PLCD1: variants seen among roughly 807,000 people sequenced by gnomAD.
PLCD1 encodes the protein phospholipase C delta 1.
Under a neutral mutation model 87.4 loss-of-function variants are expected in PLCD1, and 71 were observed. The observed-to-expected ratio is 0.81, with a 90% CI of 0.67 to 0.99. The LOEUF is 0.99. PLCD1 is among the 50% of genes least tolerant of loss of function. PLCD1 has a pLI of 0.00. For synonymous variants in PLCD1, 348 were observed against 399.2 expected (o/e 0.87, Z 1.53); for missense variants, 867 against 1,001.5 (o/e 0.87, Z 1.81).
In PLCD1 at chr3:38,007,677, T is replaced by C. The variant is rs754631776; in HGVS notation, c.*96A>G. ...TGAAGGCAATTTGGGGGCCTAGCTCTGAGCAAGAGGCTGGGAGCAGCCACA... is the reference window on the plus strand; with the variant it reads ...TGAAGGCAATTTGGGGGCCTAGCTCCGAGCAAGAGGCTGGGAGCAGCCACA... On this transcript the variant is annotated 3_prime_UTR_variant, in exon 15 of 15. Transcript: ENST00000334661. The C allele has an allele frequency of 4.2e-6, 4 of 956,884 alleles. No individual in the cohort carries two copies. 59.3% of individuals were successfully genotyped at this position (956,884 alleles called of 1,614,324 possible). A position where few individuals can be genotyped will look rare whatever the true frequency, so the allele number is the denominator to read the frequency against.
At chr3:38,020,502 A>C in intron 1 of PLCD1, 150 bp from the exon 2 acceptor site, 1 of 766,004 alleles carries the variant, frequency 1.3e-6, no homozygotes, top group Non-Finnish European at 2.3e-6. Context: ...TCCTCCACCC[A>C]TGCTCCAACC....
At position 38,025,255 on chromosome 3, in the gene PLCD1, A is replaced by G. The variant is rs1700296529; in HGVS notation, c.34+4251T>C. ...TGCGGGGGCGGAGCCAGGGTCCGGG[A>G]GGCAGTGTGGGCGGGGTCTGACCAA... On this transcript the variant is annotated intron_variant, in intron 1 of 14. Transcript: ENST00000334661. This position sits in a 1 kb window ranked among gnomAD's most constrained non-coding sequence, Gnocchi z 4.0. Among the ~76,000 whole-genome samples, 1 of 152,160 alleles carries G rather than the reference A, an allele frequency of 6.6e-6. No homozygotes were observed. The highest frequency in any genetic ancestry group is 1.5e-5 in the Non-Finnish European group (1 of 68,006).
intron 1 of PLCD1, chr3:38,024,346 G>A: frequency 1.2e-6 from 2 of 1,612,730 alleles, no homozygotes; most frequent in Non-Finnish European, 1.7e-6. Context: ...CCCAGCCTCC[G>A]TCCATTGAGC....
Position 38,011,410 on chromosome 3 carries a change from G to A in PLCD1, c.594C>T (p.Asp198=), listed in dbSNP as rs746992990. The A allele has an allele frequency of 1.1e-5, 18 of 1,613,882 alleles. No individual in the cohort carries two copies. Among genetic ancestry groups the A allele is most frequent in the East Asian group, 2.2e-5 (1 of 44,896 alleles). ...CDHSQTDSLE[D]EEIEAFYKML... ...TCTTGTAGAAGGCCTCAATCTCCTC[G>A]TCCTCCAGGGAGTCTGTCTGGGAGT... The change falls in exon 5 of 15, where the codon GAC becomes GAT. Residue 198 remains aspartate, a synonymous_variant. Coordinates refer to ENST00000334661, the MANE Select transcript of PLCD1 (RefSeq NM_006225.4).
intron 3 of PLCD1, among the ~76,000 whole-genome samples, chr3:38,015,020 T>A (rs1460357198): frequency 6.6e-6 from 1 of 152,256 alleles, no homozygotes; most frequent in East Asian, 1.9e-4. Context: ...TGTAAATTGA[T>A]GCAGCCTGTT....
In PLCD1 at chr3:38,009,100, C is replaced by T; in HGVS notation, c.1665G>A (p.Trp555Ter). The T allele has an allele frequency of 3.1e-6, 5 of 1,614,052 alleles. No homozygotes were observed. The highest frequency in any genetic ancestry group is 4.2e-6 in the Non-Finnish European group (5 of 1,180,002). ...GHLSRIYPAG[W>*]RTDSSNYSPV... ...GGCTGTAGTTGGAGGAGTCTGTTCT[C>T]CATCCAGCCGGGTAGATTCTGCTCA... The change falls in exon 11 of 15, where the codon TGG becomes TGA. Residue 555 changes from tryptophan to a stop codon, truncating the protein, a stop_gained. Transcript: ENST00000334661. LOFTEE classifies it high-confidence loss of function.
intron 3 of PLCD1, 138 bp downstream of exon 3, chr3:38,016,353 T>C (rs1700153504): frequency 1.4e-6 from 1 of 702,534 alleles, no homozygotes; most frequent in African/African-American, 1.8e-5. Context: ...AAATAAATTA[T>C]GCTGTTTAAG....
rs932680288 is a variant in PLCD1, at chr3:38,018,279, G to C, written c.200-1560C>G. Among the ~76,000 whole-genome samples, 2 of 152,120 alleles carry C rather than the reference G, an allele frequency of 1.3e-5. No individual in the cohort carries two copies. Among genetic ancestry groups the C allele is most frequent in the Non-Finnish European group, 2.9e-5 (2 of 68,018 alleles). On this transcript the variant is annotated intron_variant, in intron 2 of 14. Coordinates refer to ENST00000334661, the MANE Select transcript of PLCD1 (RefSeq NM_006225.4). This position sits in a 1 kb window ranked among gnomAD's most constrained non-coding sequence, Gnocchi z 5.7. ...GCAGCCAACAAAGCAGGCTCAGCACGAGACCCGTCTCAGGCGTCTGACCAG... is the reference window on the plus strand; with the variant it reads ...GCAGCCAACAAAGCAGGCTCAGCACCAGACCCGTCTCAGGCGTCTGACCAG...
At chr3:38,011,468 T>G in intron 4 of PLCD1, 23 bp from the exon 5 acceptor site, 2 of 1,613,710 alleles carry the variant, frequency 1.2e-6, no homozygotes, top group Non-Finnish European at 8.5e-7. Context: ...GACAGCCGAG[T>G]GGGCTCAGAG....
At position 38,016,586 on chromosome 3, in the gene PLCD1, G is replaced by A. The variant is rs746278880; in HGVS notation, c.333C>T (p.Ile111=). The A allele has an allele frequency of 2.2e-5, 36 of 1,613,822 alleles. No homozygotes were observed. Among genetic ancestry groups the A allele is most frequent in the South Asian group, 2.0e-4 (18 of 91,046 alleles). ...FKDQRNTLDL[I]APSPADAQHW... ...GCTGGGCATCAGCTGGCGATGGGGC[G>A]ATGAGGTCTAGTGTATTGCGCTGGT... is the stretch of plus-strand genomic sequence containing the variant. The change falls in exon 3 of 15, where the codon ATC becomes ATT. Residue 111 remains isoleucine (I), a synonymous_variant. Transcript: ENST00000334661.
chr3:38,023,302 G>GC (rs1468386269), intron 1 of PLCD1, among the ~76,000 whole-genome samples: 3 of 152,058 alleles, frequency 2.0e-5, no homozygotes, highest in Non-Finnish European at 4.4e-5. Flanking sequence ...ATGACACACT[G>GC]CCCCCCAAAA....
chr3:38,027,385 C>T (rs147682000), intron 1 of PLCD1, among the ~76,000 whole-genome samples: 4 of 152,226 alleles, frequency 2.6e-5, no homozygotes, highest in Non-Finnish European at 5.9e-5. Context: ...ATTCAATCTT[C>T]GTAGCAACCC....
At chr3:38,013,910 T>TC (rs1700119678) in intron 3 of PLCD1, among the ~76,000 whole-genome samples, 1 of 152,156 alleles carries the variant, frequency 6.6e-6, no homozygotes, top group African/African-American at 2.4e-5. Context: ...TCAAAATGTG[T>TC]CCCCTAAGGA....
rs1487562178 is a variant in PLCD1, at chr3:38,009,654, T to C, written c.1445A>G (p.Lys482Arg). Residue 482 changes from lysine (K) to arginine (R), a missense_variant and splice_region_variant, in exon 9 of 15, where the codon AAG becomes AGG. Lys to Arg is a conservative substitution (Grantham distance 26). Transcript: ENST00000334661. ...AVRSRVQHKP[K>R]EDKLRLAQEL... ...CCACCCCACAGCTCCCCCTCAAACC[T>C]TGGGCTTGTGCTGCACACGGCTCCT... 1.2e-6 allele frequency: 2 copies of C among 1,613,778 alleles called. No individual in the cohort carries two copies. Among genetic ancestry groups the C allele is most frequent in the East Asian group, 2.2e-5 (1 of 44,846 alleles).
At position 38,009,637 on chromosome 3, in the gene PLCD1, C is replaced by G. The variant is rs2154770; in HGVS notation, c.1446+16G>C. ...GGAAGGCCCGGGCTGCCCCACCCCA[C>G]AGCTCCCCCTCAAACCTTGGGCTTG... On this transcript the variant is annotated intron_variant, in intron 9 of 14. Transcript: ENST00000334661. 1 of 1,614,056 alleles carries G rather than the reference C, an allele frequency of 6.2e-7. No homozygotes were observed. The highest frequency in any genetic ancestry group is 8.5e-7 in the Non-Finnish European group (1 of 1,179,968).
At chr3:38,012,793 A>G (rs1559373572) in intron 3 of PLCD1, among the ~76,000 whole-genome samples, 1 of 152,210 alleles carries the variant, frequency 6.6e-6, no homozygotes. Context: ...CGGGGATTAC[A>G]CGTGTGAGCC....
chr3:38,007,498 A>C lies in PLCD1; in HGVS notation c.*275T>G. 1.6e-6 allele frequency: 1 copy of C among 628,682 alleles called. No individual in the cohort carries two copies. Among genetic ancestry groups the C allele is most frequent in the Non-Finnish European group, 2.9e-6 (1 of 340,276 alleles). The allele number at this position is 628,682 out of a possible 1,614,324, so 38.9% of individuals were successfully genotyped here. A position where few individuals can be genotyped will look rare whatever the true frequency, so the allele number is the denominator to read the frequency against. The stretch of plus-strand genomic sequence containing the variant: ...TCCAGGTAAAGAGACCACAAGGCTT[A>C]ATCTTATCGTGATTTTTATAAAAAT... On this transcript the variant is annotated 3_prime_UTR_variant, in exon 15 of 15. Transcript: ENST00000334661.
At chr3:38,024,543 C>A (rs1305927955) in intron 1 of PLCD1, 4 of 1,512,824 alleles carry the variant, frequency 2.6e-6, no homozygotes, top group Non-Finnish European at 3.5e-6. Context: ...GGAACTGTCG[C>A]CCTTGGAGGG....
Position 38,016,729 on chromosome 3 carries a change from G to A in PLCD1, c.200-10C>T. On this transcript the variant is annotated splice_polypyrimidine_tract_variant and intron_variant, in intron 2 of 14. Transcript: ENST00000334661. ...ATGTCCTCGATGGAGACTGCGAGAG[G>A]GGGATGGTGGAGGAGAGAGGGAGAG... 6.5e-7 allele frequency: 1 copy of A among 1,532,434 alleles called. No homozygotes were observed. Among genetic ancestry groups the A allele is most frequent in the Non-Finnish European group, 8.9e-7 (1 of 1,128,946 alleles). 94.9% of individuals were successfully genotyped at this position (1,532,434 alleles called of 1,614,324 possible). A position where few individuals can be genotyped will look rare whatever the true frequency, so the allele number is the denominator to read the frequency against.
Sources: allele counts gnomAD v4.1 joint callset (sites outside exome capture counted in the v4.1 genomes callset), GRCh38; gene constraint gnomAD v4.1.1; non-coding constraint Gnocchi (gnomAD v3.1); transcripts MANE v1.5; gene names NCBI Gene and HGNC (gene_info 2026-07-23, HGNC 2026-07-21).